Variants in TULP4 observed in about 807,000 individuals in gnomAD.
The protein encoded by TULP4 is tubby-related protein 4.
In TULP4, 16 loss-of-function variants were observed where a neutral mutation model predicts 129.0. That is an observed-to-expected ratio of 0.12 (90% CI 0.08 to 0.19). TULP4 has a LOEUF of 0.19. TULP4 is among the 10% of genes least tolerant of loss of function. The pLI, the probability that TULP4 is intolerant of heterozygous loss-of-function variation, is 1.00. For synonymous variants in TULP4, 998 were observed against 854.0 expected (o/e 1.17, Z -2.94); for missense variants, 1,842 against 2,059.1 (o/e 0.89, Z 2.04).
At position 158,504,126 on chromosome 6, in the gene TULP4, G is replaced by T; in HGVS notation, c.4463G>T (p.Arg1488Leu). Reference sequence around the variant, plus strand: ...GTCTACCAGCTGGACTTCGGGGGGCGGGTGACCCAGGAGTCCGCCAAGAAC... The same window carrying T: ...GTCTACCAGCTGGACTTCGGGGGGCTGGTGACCCAGGAGTCCGCCAAGAAC... ...TQVYQLDFGG[R>L]VTQESAKNFQ... Residue 1488 changes from arginine (R) to leucine (L), a missense_variant, in exon 13 of 14, where the codon CGG (arginine) becomes CTG (leucine). This residue lies in a region of TULP4 where 47 missense variants were observed against 104.0 expected (regional missense o/e 0.45). Coordinates refer to ENST00000367097, the MANE Select transcript of TULP4 (RefSeq NM_020245.5). 1 of 1,607,776 alleles carries T rather than the reference G, an allele frequency of 6.2e-7. No individual in the cohort carries two copies.
upstream of TULP4, among the ~76,000 whole-genome samples, chr6:158,308,937 A>C (rs1779275301): frequency 3.7e-5 from 4 of 107,436 alleles, no homozygotes; most frequent in South Asian, 3.6e-4. Context: ...CGGGGGGCTG[A>C]CCCACCCACC....
rs530833596 is a variant in TULP4 at position 158,268,282 on chromosome 6, G to A, written n.68+35979G>A. 4.5e-4 allele frequency among the ~76,000 whole-genome samples: 69 copies of A among 151,858 alleles called. No individual in the cohort carries two copies. The South Asian group carries it at 0.014, about 30-fold the overall frequency. ...TTGAACTCCCAACCCCAGGTGATCC[G>A]GCCACTTCTGCCTCCCAGAGTGCTG... On this transcript the variant is annotated intron_variant and non_coding_transcript_variant, in intron 1 of 1. Coordinates refer to the TULP4 transcript ENST00000620026.
At chr6:158,421,356 C>T (rs555705636) in intron 2 of TULP4, among the ~76,000 whole-genome samples, 36 of 117,286 alleles carry the variant, frequency 3.1e-4, no homozygotes, top group African/African-American at 1.5e-3. Flanking sequence ...AGCGGGGCTC[C>T]GTCTCAAAAA....
intron 8 of TULP4, chr6:158,481,549 A>G (rs1779945523): frequency 1.9e-6 from 1 of 533,756 alleles, no homozygotes; most frequent in South Asian, 2.2e-5. Flanking sequence ...GGCAAGGGGA[A>G]GTTGGCGCAG....
intron 3 of TULP4, among the ~76,000 whole-genome samples, chr6:158,435,819 G>C (rs571874055): frequency 2.6e-5 from 4 of 151,922 alleles, no homozygotes; most frequent in African/African-American, 9.7e-5. Context: ...TCCTCCCTCC[G>C]GTCCCTCATC....
upstream of TULP4, among the ~76,000 whole-genome samples, chr6:158,308,530 C>G (rs1370483331): frequency 6.6e-6 from 1 of 151,934 alleles, no homozygotes; most frequent in Non-Finnish European, 1.5e-5. Flanking sequence ...ACCTCCCAGA[C>G]GGGGTGGCGG....
intron 1 of TULP4, among the ~76,000 whole-genome samples, chr6:158,388,322 C>CCTTTTTTT (rs1375374518): frequency 2.3e-5 from 2 of 86,260 alleles, no homozygotes; most frequent in African/African-American, 9.9e-5. Context: ...GCTCGTTTTT[C>CCTTTTTTT]TTTTTTTTTT....
chr6:158,452,305 G>A (rs763695457), intron 5 of TULP4, 37 bp downstream of exon 5: 29 of 1,607,558 alleles, frequency 1.8e-5, no homozygotes, highest in Non-Finnish European at 2.3e-5. Flanking sequence ...CCTGCAGACC[G>A]GGCCTGTGTG....
At chr6:158,356,393 G>A (rs149676349) in intron 1 of TULP4, among the ~76,000 whole-genome samples, 1 of 152,268 alleles carries the variant, frequency 6.6e-6, no homozygotes, top group East Asian at 1.9e-4. Context: ...CAAATGGAAG[G>A]GTGCAGAAGT....
intron 1 of TULP4, among the ~76,000 whole-genome samples, chr6:158,348,936 C>T (rs1385876352): frequency 1.1e-4 from 14 of 129,058 alleles, no homozygotes; most frequent in African/African-American, 1.5e-4. Context: ...GCACTCCTCA[C>T]CTCCCAGATG....
At chr6:158,275,475 C>G in intron 1 of TULP4, among the ~76,000 whole-genome samples, 1 of 152,164 alleles carries the variant, frequency 6.6e-6, no homozygotes, top group East Asian at 1.9e-4. Flanking sequence ...TTCATATTCT[C>G]CTGGCACTGA....
At chr6:158,239,500 G>A (rs1777809090) in intron 1 of TULP4, among the ~76,000 whole-genome samples, 1 of 62,458 alleles carries the variant, frequency 1.6e-5, no homozygotes, top group Admixed American at 1.6e-4. Flanking sequence ...GAGGCTGGCC[G>A]GGCAGAGGGG....
intron 1 of TULP4, among the ~76,000 whole-genome samples, chr6:158,367,731 A>T (rs1379545993): frequency 6.6e-6 from 1 of 152,104 alleles, no homozygotes; most frequent in Non-Finnish European, 1.5e-5. Context: ...TTTTATTGTG[A>T]ACTTTCTAAG....
chr6:158,302,202 G>C (rs1775696093), intron 1 of TULP4, among the ~76,000 whole-genome samples: 1 of 152,212 alleles, frequency 6.6e-6, no homozygotes, highest in Non-Finnish European at 1.5e-5. Flanking sequence ...GCAGATGGTA[G>C]GGCTATTCAG....
At chr6:158,246,023 G>GGGGGGGTGTGTGT (rs113914160) in intron 1 of TULP4, among the ~76,000 whole-genome samples, 3 of 145,920 alleles carry the variant, frequency 2.1e-5, no homozygotes, top group East Asian at 4.1e-4. Context: ...ACCCCTTAGG[G>GGGGGGGTGTGTGT]GTGTGTGTGT....
intron 1 of TULP4, among the ~76,000 whole-genome samples, chr6:158,264,577 A>G (rs1166438093): frequency 1.3e-5 from 2 of 152,116 alleles, no homozygotes; most frequent in African/African-American, 4.8e-5. Flanking sequence ...TCTGGGGAAG[A>G]TGCACCTGGA....
chr6:158,481,701 T>G (rs1177626307), intron 8 of TULP4, among the ~76,000 whole-genome samples: 1 of 152,154 alleles, frequency 6.6e-6, no homozygotes, highest in African/African-American at 2.4e-5. Context: ...AAATCAAACC[T>G]TCAGCCTCCT....
Position 158,442,151 on chromosome 6 carries a change from G to T in TULP4, c.544-6845G>T, listed in dbSNP as rs77659114. On this transcript the variant is annotated intron_variant, in intron 3 of 13. Transcript: ENST00000367097. ...GGCTTGTCTTTGGCACCGGTCACAA[G>T]TGCTGTTGGGTCTGCTTGCACCACT... 4.7e-3 allele frequency among the ~76,000 whole-genome samples: 712 copies of T among 152,236 alleles called. 1 individual carries two copies. The highest frequency in any genetic ancestry group is 7.9e-3 in the Non-Finnish European group (536 of 68,024).
chr6:158,355,509 C>T (rs1019653480), intron 1 of TULP4, among the ~76,000 whole-genome samples: 3 of 152,242 alleles, frequency 2.0e-5, no homozygotes, highest in African/African-American at 7.2e-5. Flanking sequence ...AAAGGATATC[C>T]TGTTTTATCT....
Sources: allele counts gnomAD v4.1 joint callset (sites outside exome capture counted in the v4.1 genomes callset), GRCh38; gene constraint gnomAD v4.1.1; regional missense constraint gnomAD v4.1.1; transcripts MANE v1.5; gene names NCBI Gene and HGNC (gene_info 2026-07-23, HGNC 2026-07-21).